Variants in IP6K1 observed in about 807,000 individuals in gnomAD.
IP6K1 encodes ATP:1D-myo-inositol-hexakisphosphate phosphotransferase.
IP6K1 carries 13 observed loss-of-function variants against 38.3 expected under a neutral mutation model. The observed-to-expected ratio is 0.34, with a 90% CI of 0.22 to 0.54. The LOEUF (loss-of-function observed/expected upper bound fraction) is 0.54, where lower values mean the gene tolerates loss of function less well. IP6K1 is among the 20% of genes least tolerant of loss of function. IP6K1 has a pLI of 0.92. For synonymous variants in IP6K1, 212 were observed against 229.9 expected (o/e 0.92, Z 0.70); for missense variants, 397 against 599.8 (o/e 0.66, Z 3.53).
chr3:49,750,307 A>C (rs1361145869), intron 1 of IP6K1, among the ~76,000 whole-genome samples: 2 of 152,058 alleles, frequency 1.3e-5, no homozygotes, highest in Non-Finnish European at 2.9e-5. Context: ...GGACACAAGG[A>C]GAGTGCTAAA....
rs1035517457 is a variant in IP6K1 at position 49,745,094 on chromosome 3, C to CA, written c.223+2723dup. Among the ~76,000 whole-genome samples, 48 of 138,880 alleles carry CA rather than the reference C, an allele frequency of 3.5e-4. 1 individual carries two copies. The highest frequency in any genetic ancestry group is 4.7e-4 in the Non-Finnish European group (30 of 63,534). The allele number at this position is 138,880 out of a possible 152,430, so 91.1% of individuals were successfully genotyped here. On this transcript the variant is annotated intron_variant, in intron 2 of 5. Transcript: ENST00000321599. ...GCCCTGAACTCATAAGTGTAAAAGACAAAAAAAAAAGTCCATACCTTCAAG... is the reference window on the plus strand; with the variant it reads ...GCCCTGAACTCATAAGTGTAAAAGACAAAAAAAAAAAGTCCATACCTTCAAG...
intron 4 of IP6K1, among the ~76,000 whole-genome samples, chr3:49,730,312 C>T (rs1230640462): frequency 6.6e-6 from 1 of 152,208 alleles, no homozygotes; most frequent in Non-Finnish European, 1.5e-5. Context: ...GCTGAGATAA[C>T]AGATGTGGGC....
At chr3:49,784,129 G>A (rs2081091101) in intron 1 of IP6K1, among the ~76,000 whole-genome samples, 2 of 152,026 alleles carry the variant, frequency 1.3e-5, no homozygotes, top group African/African-American at 2.4e-5. Context: ...TGATTCTCCT[G>A]CCTCAGCCTC....
intron 1 of IP6K1, among the ~76,000 whole-genome samples, chr3:49,757,581 T>C (rs1434018212): frequency 1.3e-5 from 2 of 151,638 alleles, no homozygotes; most frequent in Non-Finnish European, 2.9e-5. Flanking sequence ...TTAGCCAGGC[T>C]TGGTGGCTCA....
chr3:49,747,685 T>C (rs2080733032), intron 2 of IP6K1, 133 bp downstream of exon 2: 2 of 1,183,074 alleles, frequency 1.7e-6, no homozygotes, highest in East Asian at 5.1e-5. Flanking sequence ...TAATTTTATC[T>C]AACAAAGTGA....
chr3:49,739,356 T>TTC (rs34540922), intron 2 of IP6K1, among the ~76,000 whole-genome samples: 4 of 32,944 alleles, frequency 1.2e-4, no homozygotes, highest in African/African-American at 3.3e-4. Flanking sequence ...CTTAAAGTTC[T>TTC]TTTTTTTTTT....
In IP6K1 at chr3:49,766,369, A is replaced by G. The variant is rs1490385306; in HGVS notation, c.-128-18201T>C. Reference sequence around the variant, plus strand: ...GGGTGACAAGAGCGAAACTCTGTCTAAAAAAAAAGAAACGCCAGGCGCTGT... The same window carrying G: ...GGGTGACAAGAGCGAAACTCTGTCTGAAAAAAAAGAAACGCCAGGCGCTGT... On this transcript the variant is annotated intron_variant, in intron 1 of 5. Coordinates refer to ENST00000321599, the MANE Select transcript of IP6K1 (RefSeq NM_153273.4). 2.0e-5 allele frequency among the ~76,000 whole-genome samples: 3 copies of G among 149,380 alleles called. No individual in the cohort carries two copies. In the South Asian group the frequency reaches 6.4e-4, roughly 32 times the overall value.
At chr3:49,778,154 T>G (rs2081035215) in intron 1 of IP6K1, among the ~76,000 whole-genome samples, 1 of 151,198 alleles carries the variant, frequency 6.6e-6, no homozygotes, top group Non-Finnish European at 1.5e-5. Context: ...TGAAACCCCG[T>G]CTGTACTAAA....
At position 49,725,017 on chromosome 3, in the gene IP6K1, T is replaced by C. The variant is rs1213997705; in HGVS notation, c.*2105A>G. On this transcript the variant is annotated 3_prime_UTR_variant, in exon 6 of 6. Coordinates refer to ENST00000321599, the MANE Select transcript of IP6K1 (RefSeq NM_153273.4). ...GCAGGGAGAAAGCAGTGGCAGACAG[T>C]ATGCACACACACTTGCCCACTACCA... The C allele has an allele frequency of 1.3e-5, 2 of 152,646 alleles. No homozygotes were observed. Among genetic ancestry groups the C allele is most frequent in the Non-Finnish European group, 2.9e-5 (2 of 68,100 alleles). 9.5% of individuals were successfully genotyped at this position (152,646 alleles called of 1,614,324 possible).
chr3:49,746,522 T>C (rs1201674789), intron 2 of IP6K1, among the ~76,000 whole-genome samples: 2 of 39,512 alleles, frequency 5.1e-5, no homozygotes, highest in Non-Finnish European at 1.1e-4. Context: ...ATACAAAAAA[T>C]AGCTGGGCGT....
At chr3:49,729,322 A>G (rs1358630910) in intron 4 of IP6K1, among the ~76,000 whole-genome samples, 1 of 152,108 alleles carries the variant, frequency 6.6e-6, no homozygotes, top group Non-Finnish European at 1.5e-5. Context: ...CATTGTATGT[A>G]TATATCACAA....
chr3:49,731,905 A>AAAAAAAAAAAAAAAAAAAAAG (rs2080565992), intron 4 of IP6K1, among the ~76,000 whole-genome samples: 1 of 142,460 alleles, frequency 7.0e-6, no homozygotes, highest in Non-Finnish European at 1.6e-5. Flanking sequence ...AAAAAAAAAA[A>AAAAAAAAAAAAAAAAAAAAAG]GGAATTCCTA....
chr3:49,772,062 T>C (rs1435254274), intron 1 of IP6K1, among the ~76,000 whole-genome samples: 1 of 151,748 alleles, frequency 6.6e-6, no homozygotes, highest in Admixed American at 6.6e-5. Context: ...TTTTTTTAAT[T>C]AGCTGGGTGC....
intron 1 of IP6K1, among the ~76,000 whole-genome samples, chr3:49,775,897 G>A (rs538349311): frequency 6.6e-6 from 1 of 151,752 alleles, no homozygotes; most frequent in Non-Finnish European, 1.5e-5. Context: ...TCTCCATATT[G>A]ATATGTTCTC....
rs1002683419 is a variant in IP6K1 at position 49,742,622 on chromosome 3, G to C, written c.224-4200C>G. ...GTCAAATTAATCTATTTCAGGGCCAGGCATGGTGGCTCACATCTGTAATCC... is the reference window on the plus strand; with the variant it reads ...GTCAAATTAATCTATTTCAGGGCCACGCATGGTGGCTCACATCTGTAATCC... On this transcript the variant is annotated intron_variant, in intron 2 of 5. Coordinates refer to ENST00000321599, the MANE Select transcript of IP6K1 (RefSeq NM_153273.4). Among the ~76,000 whole-genome samples, 37 of 152,160 alleles carry C rather than the reference G, an allele frequency of 2.4e-4. 1 individual carries two copies. Among genetic ancestry groups the C allele is most frequent in the Admixed American group, 2.0e-4 (3 of 15,266 alleles).
At chr3:49,769,328 T>C (rs549463955) in intron 1 of IP6K1, among the ~76,000 whole-genome samples, 18 of 152,178 alleles carry the variant, frequency 1.2e-4, no homozygotes, top group African/African-American at 4.3e-4. Context: ...TGATAAACAA[T>C]AAAGTTGGGT....
chr3:49,750,859 G>C (rs2080768472), intron 1 of IP6K1, among the ~76,000 whole-genome samples: 1 of 152,166 alleles, frequency 6.6e-6, no homozygotes, highest in Non-Finnish European at 1.5e-5. Flanking sequence ...TCATGGCATT[G>C]TTTTTGTGTT....
At chr3:49,770,590 A>G (rs1415947622) in intron 1 of IP6K1, among the ~76,000 whole-genome samples, 1 of 152,084 alleles carries the variant, frequency 6.6e-6, no homozygotes, top group Non-Finnish European at 1.5e-5. Context: ...GGGTGTAGTG[A>G]GCGGAGATCA....
intron 1 of IP6K1, among the ~76,000 whole-genome samples, chr3:49,784,427 A>ACC: frequency 1.3e-5 from 2 of 152,084 alleles, no homozygotes; most frequent in Non-Finnish European, 2.9e-5. Flanking sequence ...CAGGCGGATC[A>ACC]GGAGGTCAGG....
Sources: allele counts gnomAD v4.1 joint callset (sites outside exome capture counted in the v4.1 genomes callset), GRCh38; gene constraint gnomAD v4.1.1; transcripts MANE v1.5; gene names NCBI Gene and HGNC (gene_info 2026-07-23, HGNC 2026-07-21).